SLC38A2: variants seen among roughly 807,000 people sequenced by gnomAD.
The protein encoded by SLC38A2 is sodium-coupled neutral amino acid symporter 2.
A neutral mutation model predicts 61.5 loss-of-function variants in SLC38A2; 11 were observed. That is an observed-to-expected ratio of 0.18 (90% CI 0.11 to 0.30). SLC38A2 has a LOEUF of 0.30. Ranked by LOEUF, SLC38A2 falls within the 10% of genes least tolerant of loss-of-function variation. The pLI is 1.00. For missense variants in SLC38A2, 522 were observed against 600.4 expected (o/e 0.87, Z 1.36); for synonymous variants, 217 against 212.5 (o/e 1.02, Z -0.18).
At position 46,361,159 on chromosome 12, in the gene SLC38A2, G is replaced by T. The variant is rs374373899; in HGVS notation, c.1473C>A (p.Ala491=). Residue 491 remains alanine, a synonymous_variant, in exon 16 of 16, where the codon GCC becomes GCA. Coordinates refer to ENST00000256689, the MANE Select transcript of SLC38A2 (RefSeq NM_018976.5). ...TGTGTACCCAATCCAAAACAATCAAGGCCATGCTTCCGGTCATCACCAGTA... is the reference window on the plus strand; with the variant it reads ...TGTGTACCCAATCCAAAACAATCAATGCCATGCTTCCGGTCATCACCAGTA... ...SGVLVMTGSM[A]LIVLDWVHNA... is the part of the protein sequence containing the mutation. The T allele has an allele frequency of 1.2e-6, 2 of 1,613,520 alleles. No individual in the cohort carries two copies. The highest frequency in any genetic ancestry group is 2.7e-5 in the African/African-American group (2 of 74,888).
In SLC38A2 at chr12:46,362,336, A is replaced by C; in HGVS notation, c.1370T>G (p.Phe457Cys). The change falls in exon 15 of 16, where the codon TTC becomes TGC. Residue 457 changes from phenylalanine to cysteine, a missense_variant. Physicochemically the swap from Phe to Cys is radical, Grantham distance 205. Around this residue, in one of 3 missense-constraint regions of SLC38A2, gnomAD observed 309 missense variants for 343.9 expected, o/e 0.90. Transcript: ENST00000256689. Reference protein sequence around the residue: ...SMLIFILPSAFYIKLVKKEPM... With the variant: ...SMLIFILPSACYIKLVKKEPM... ...TTCTTTCTTCACCAACTTGATATAG[A>C]AGGCAGAAGGAAGAATAAAAATCAA... 1 of 1,612,334 alleles carries C rather than the reference A, an allele frequency of 6.2e-7. No homozygotes were observed. The highest frequency in any genetic ancestry group is 2.2e-5 in the East Asian group (1 of 44,812).
intron 13 of SLC38A2, 104 bp downstream of exon 13, chr12:46,362,917 A>C: frequency 7.0e-7 from 1 of 1,422,904 alleles, no homozygotes. Context: ...CCAACTTAGT[A>C]TTGTTCTACT....
chr12:46,366,979 C>T, intron 6 of SLC38A2, 34 bp from the exon 7 acceptor site: 1 of 1,609,754 alleles, frequency 6.2e-7, no homozygotes, highest in Non-Finnish European at 8.5e-7. Context: ...ATTACAAGTG[C>T]AAAACGCGGC....
intron 13 of SLC38A2, 79 bp downstream of exon 13, chr12:46,362,942 T>G: frequency 6.4e-7 from 1 of 1,556,324 alleles, no homozygotes; most frequent in Non-Finnish European, 8.8e-7. Flanking sequence ...TTTCCCTTCT[T>G]CCAGAAGATG....
chr12:46,372,163 C>A (rs55795804), intron 1 of SLC38A2, among the ~76,000 whole-genome samples: 1 of 152,274 alleles, frequency 6.6e-6, no homozygotes, highest in African/African-American at 2.4e-5. Flanking sequence ...AGATTCCTGG[C>A]TCCCTGGACT....
chr12:46,364,076 T>C (rs1943112828), intron 10 of SLC38A2, 73 bp from the exon 11 acceptor site: 2 of 1,290,960 alleles, frequency 1.5e-6, no homozygotes, highest in Admixed American at 5.1e-5. Context: ...CAGCATATAT[T>C]TTATGTAAAC....
chr12:46,369,019 T>G (rs567351171), intron 4 of SLC38A2, among the ~76,000 whole-genome samples: 1 of 152,334 alleles, frequency 6.6e-6, no homozygotes, highest in South Asian at 2.1e-4. Context: ...CAATCTTATT[T>G]AGCCATTAAG....
At chr12:46,362,887 A>G (rs1428765588) in intron 13 of SLC38A2, 134 bp downstream of exon 13, 1 of 1,159,136 alleles carries the variant, frequency 8.6e-7, no homozygotes, top group Non-Finnish European at 1.2e-6. Flanking sequence ...TATTTTTAAA[A>G]AGCCCCTTCA....
intron 9 of SLC38A2, 25 bp from the exon 10 acceptor site, chr12:46,364,581 G>GT: frequency 6.2e-7 from 1 of 1,600,466 alleles, no homozygotes. Flanking sequence ...TTTTGCATGT[G>GT]TTAAACTAAG....
Position 46,358,968 on chromosome 12 carries a change from G to C in SLC38A2, c.*2143C>G, listed in dbSNP as rs141963885. On this transcript the variant is annotated 3_prime_UTR_variant, in exon 16 of 16. Coordinates refer to ENST00000256689, the MANE Select transcript of SLC38A2 (RefSeq NM_018976.5). ...AAATCATCCATTGGAATTTTCCCTA[G>C]GCACTTGATTTTGAACCTTAAATAG... The C allele has an allele frequency of 5.3e-3, 804 of 152,458 alleles. 5 individuals are homozygous for C. The highest frequency in any genetic ancestry group is 7.9e-3 in the Admixed American group (120 of 15,252). The allele number at this position is 152,458 out of a possible 1,614,324, so 9.4% of individuals were successfully genotyped here. A position where few individuals can be genotyped will look rare whatever the true frequency, so the allele number is the denominator to read the frequency against.
rs755919669 is a variant in SLC38A2, at chr12:46,367,188, G to T, written c.389-20C>A. On this transcript the variant is annotated intron_variant, in intron 5 of 15. Coordinates refer to ENST00000256689, the MANE Select transcript of SLC38A2 (RefSeq NM_018976.5). ...AAGACCCTACAATTTGAAGACAGAA[G>T]CATGAAGCCAAGGATTTTAAAAGAG... 1.9e-6 allele frequency: 3 copies of T among 1,601,380 alleles called. No individual in the cohort carries two copies. The African/African-American group carries it at 4.0e-5, about 21-fold the overall frequency.
chr12:46,371,332 T>C lies in SLC38A2; in HGVS notation c.-39A>G, dbSNP rs374148931. The C allele has an allele frequency of 2.9e-5, 45 of 1,548,150 alleles. No homozygotes were observed. The African/African-American group carries it at 5.3e-4, about 18-fold the overall frequency. On this transcript the variant is annotated 5_prime_UTR_variant, in exon 2 of 16. Transcript: ENST00000256689. ...AGGAATCGGGTGCAGCTAGTAGCGC[T>C]GGGCTCCTTTTGTCCTTGGCGGTGG...
chr12:46,368,170 A>G (rs1038872999), intron 4 of SLC38A2, among the ~76,000 whole-genome samples: 1 of 152,194 alleles, frequency 6.6e-6, no homozygotes, highest in African/African-American at 2.4e-5. Context: ...CTAACATGAT[A>G]CTAACATTTT....
In SLC38A2 at chr12:46,360,985, A is replaced by T; in HGVS notation, c.*126T>A. 1 of 698,298 alleles carries T rather than the reference A, an allele frequency of 1.4e-6. No homozygotes were observed. The highest frequency in any genetic ancestry group is 2.4e-6 in the Non-Finnish European group (1 of 415,846). The allele number at this position is 698,298 out of a possible 1,614,324, so 43.3% of individuals were successfully genotyped here. On this transcript the variant is annotated 3_prime_UTR_variant, in exon 16 of 16. Transcript: ENST00000256689. The stretch of plus-strand genomic sequence containing the variant: ...AAAGTTCACTTATTCTGCACTCAGA[A>T]GAACCAGCGAGGAATCTGCACTTCA...
In SLC38A2 at chr12:46,372,490, G is replaced by GC. The variant is rs1234102440; in HGVS notation, c.-87+18dup. ...CGGGCCCCGCGCCCTTCCCACAGAC[G>GC]CCCCCCCGCACGCGTTACCTCGGTG... On this transcript the variant is annotated intron_variant, in intron 1 of 15. Transcript: ENST00000256689. 2.6e-5 allele frequency: 9 copies of GC among 343,836 alleles called. No individual in the cohort carries two copies. Among genetic ancestry groups the GC allele is most frequent in the East Asian group, 1.6e-4 (4 of 24,530 alleles). 21.3% of individuals were successfully genotyped at this position (343,836 alleles called of 1,614,324 possible).
At chr12:46,361,497 A>AT (rs1213061392) in intron 15 of SLC38A2, among the ~76,000 whole-genome samples, 22 of 151,336 alleles carry the variant, frequency 1.5e-4, no homozygotes, top group East Asian at 9.7e-4. Context: ...ACTGGACTGG[A>AT]TTTTTTTTTG....
rs773045955 is a variant in SLC38A2, at chr12:46,361,222, T to G, written c.1423-13A>C. ...GGAAGAACAAAGCCTGCAAAGAGCA[T>G]AGAGAAAATTGATCAGCAAGTAATA... is the stretch of plus-strand genomic sequence containing the variant. On this transcript the variant is annotated splice_polypyrimidine_tract_variant and intron_variant, in intron 15 of 15. Coordinates refer to ENST00000256689, the MANE Select transcript of SLC38A2 (RefSeq NM_018976.5). 1.2e-6 allele frequency: 2 copies of G among 1,606,176 alleles called. No individual in the cohort carries two copies. The highest frequency in any genetic ancestry group is 8.5e-7 in the Non-Finnish European group (1 of 1,174,440).
Position 46,366,903 on chromosome 12 carries a change from A to G in SLC38A2, c.524T>C (p.Leu175Ser). ...YLFIVKYELP[L>S]VIQALTNIED... Reference sequence around the variant, plus strand: ...AATGTTCGTTAATGCCTGGATCACCAAAGGCAACTCATATTTCACTATGAA... The same window carrying G: ...AATGTTCGTTAATGCCTGGATCACCGAAGGCAACTCATATTTCACTATGAA... The change falls in exon 7 of 16, where the codon TTG (leucine) becomes TCG (serine). Residue 175 changes from leucine (L) to serine (S), a missense_variant. Coordinates refer to ENST00000256689, the MANE Select transcript of SLC38A2 (RefSeq NM_018976.5). 1 of 1,613,996 alleles carries G rather than the reference A, an allele frequency of 6.2e-7. No individual in the cohort carries two copies. Among genetic ancestry groups the G allele is most frequent in the Non-Finnish European group, 8.5e-7 (1 of 1,179,964 alleles).
Position 46,358,634 on chromosome 12 carries a change from T to G in SLC38A2, c.*2477A>C, listed in dbSNP as rs1415391881. On this transcript the variant is annotated 3_prime_UTR_variant, in exon 16 of 16. Coordinates refer to ENST00000256689, the MANE Select transcript of SLC38A2 (RefSeq NM_018976.5). ...GTTACATAATGTGAATTCATCAAAATGCAGTTAAGAAACTTACAGGAATAT... is the reference window on the plus strand; with the variant it reads ...GTTACATAATGTGAATTCATCAAAAGGCAGTTAAGAAACTTACAGGAATAT... The G allele has an allele frequency of 6.6e-6, 1 of 152,526 alleles. No homozygotes were observed. Among genetic ancestry groups the G allele is most frequent in the Admixed American group, 6.5e-5 (1 of 15,286 alleles). The allele number at this position is 152,526 out of a possible 1,614,324, so 9.4% of individuals were successfully genotyped here.
Sources: gnomAD v4.1 joint callset for allele counts (sites outside exome capture counted in the v4.1 genomes callset) on GRCh38, gnomAD v4.1.1 for gene constraint, gnomAD v4.1.1 regional missense constraint, MANE v1.5 for transcripts, NCBI Gene and HGNC (gene_info 2026-07-23, HGNC 2026-07-21) for gene names.